HDAC4: variants seen among roughly 807,000 people sequenced by gnomAD.
The protein encoded by HDAC4 is histone deacetylase 4.
In HDAC4, 16 loss-of-function variants were observed where a neutral mutation model predicts 135.1. The observed-to-expected ratio is 0.12, with a 90% CI of 0.08 to 0.18. The LOEUF (loss-of-function observed/expected upper bound fraction) is 0.18, where lower values mean the gene tolerates loss of function less well. Among genes scored for constraint, HDAC4 ranks in the 10% least tolerant of loss-of-function variants. The pLI is 1.00. For synonymous variants in HDAC4, 685 were observed against 653.4 expected (o/e 1.05, Z -0.74); for missense variants, 1,143 against 1,511.8 (o/e 0.76, Z 4.05).
intron 5 of HDAC4, among the ~76,000 whole-genome samples, chr2:239,165,587 C>T (rs763395822): frequency 5.9e-5 from 9 of 152,092 alleles, no homozygotes; most frequent in Non-Finnish European, 7.3e-5. Context: ...TGGCCTGGTT[C>T]GGCCTCGCAT....
intron 12 of HDAC4, among the ~76,000 whole-genome samples, chr2:239,117,702 A>G (rs2039268802): frequency 6.6e-6 from 1 of 152,050 alleles, no homozygotes; most frequent in Non-Finnish European, 1.5e-5. Flanking sequence ...AGAACGTCCC[A>G]CAATCCCAAA....
At position 239,153,609 on chromosome 2, in the gene HDAC4, T is replaced by C. The variant is rs1048008108; in HGVS notation, c.733+3043A>G. Among the ~76,000 whole-genome samples the C allele has an allele frequency of 2.0e-5, 3 of 152,246 alleles. No individual in the cohort carries two copies. In the East Asian group the frequency reaches 5.8e-4, roughly 29 times the overall value. ...TATGTTATTATTATTAATGTGGTAG[T>C]GATGACTTTTTAAAAAACTGATAAT... On this transcript the variant is annotated intron_variant, in intron 7 of 26. Coordinates refer to ENST00000543185, the MANE Select transcript of HDAC4 (RefSeq NM_001378414.1).
intron 14 of HDAC4, among the ~76,000 whole-genome samples, chr2:239,109,302 G>A (rs1462971201): frequency 3.9e-5 from 6 of 152,204 alleles, no homozygotes; most frequent in Non-Finnish European, 5.9e-5. Context: ...CGGGGCGCAC[G>A]GTGAAGAGCC....
intron 1 of HDAC4, among the ~76,000 whole-genome samples, chr2:239,388,028 C>T (rs529366136): frequency 6.6e-6 from 1 of 152,282 alleles, no homozygotes; most frequent in South Asian, 2.1e-4. Flanking sequence ...ACGGACCACA[C>T]GTCATAACAT....
chr2:239,097,241 T>C (rs1315211651), intron 16 of HDAC4, among the ~76,000 whole-genome samples: 1 of 152,222 alleles, frequency 6.6e-6, no homozygotes, highest in Admixed American at 6.5e-5. Flanking sequence ...GTACAAGGCA[T>C]TGAGCCAGCA....
intron 1 of HDAC4, among the ~76,000 whole-genome samples, chr2:239,370,016 C>T (rs1034846619): frequency 2.0e-5 from 3 of 152,216 alleles, no homozygotes; most frequent in Non-Finnish European, 4.4e-5. Context: ...ATGATTGCAG[C>T]GTGGCTGGCG....
chr2:239,245,146 A>G lies in HDAC4; in HGVS notation c.23-8482T>C, dbSNP rs1374857806. 6.6e-6 allele frequency among the ~76,000 whole-genome samples: 1 copy of G among 152,240 alleles called. No homozygotes were observed. Among genetic ancestry groups the G allele is most frequent in the African/African-American group, 2.4e-5 (1 of 41,472 alleles). ...TTTCCCTAAGCAATATTTTTCCTTCAGGGTAATCAGGCAGTCTTAAAATGT... is the reference window on the plus strand; with the variant it reads ...TTTCCCTAAGCAATATTTTTCCTTCGGGGTAATCAGGCAGTCTTAAAATGT... On this transcript the variant is annotated intron_variant, in intron 2 of 26. Transcript: ENST00000543185. The surrounding 1 kb of genome is among the most constrained non-coding windows in gnomAD (Gnocchi z 4.4).
At chr2:239,170,317 C>T (rs2043372614) in intron 5 of HDAC4, among the ~76,000 whole-genome samples, 1 of 152,168 alleles carries the variant, frequency 6.6e-6, no homozygotes, top group South Asian at 2.1e-4. Flanking sequence ...ACATTCATTA[C>T]ATTAAAAATA....
At chr2:239,246,976 G>A (rs1257740648) in intron 2 of HDAC4, among the ~76,000 whole-genome samples, 1 of 152,230 alleles carries the variant, frequency 6.6e-6, no homozygotes, top group Non-Finnish European at 1.5e-5. Context: ...CAGAGCCAGT[G>A]GGAGGAGTCA....
intron 3 of HDAC4, among the ~76,000 whole-genome samples, chr2:239,190,415 G>A (rs924336324): frequency 2.6e-5 from 4 of 152,192 alleles, no homozygotes; most frequent in East Asian, 3.9e-4. Flanking sequence ...CCTTGCTGAC[G>A]TCATTTCTAG....
chr2:239,078,128 G>A (rs760683707), intron 22 of HDAC4, among the ~76,000 whole-genome samples: 2 of 152,110 alleles, frequency 1.3e-5, no homozygotes, highest in Non-Finnish European at 2.9e-5. Flanking sequence ...CATCTTCATC[G>A]TCATCGTCAT....
At position 239,262,411 on chromosome 2, in the gene HDAC4, G is replaced by A. The variant is rs1553584542; in HGVS notation, c.23-25747C>T. On this transcript the variant is annotated intron_variant, in intron 2 of 26. Transcript: ENST00000543185. The surrounding 1 kb of genome is among the most constrained non-coding windows in gnomAD (Gnocchi z 4.1). ...CTTGAGATTTTAAAAATAATTAGGA[G>A]GAAGAGATAAAAGAGAAGCTTTTGT... Among the ~76,000 whole-genome samples, 1 of 152,232 alleles carries A rather than the reference G, an allele frequency of 6.6e-6. No homozygotes were observed. Among genetic ancestry groups the A allele is most frequent in the Non-Finnish European group, 1.5e-5 (1 of 68,036 alleles).
chr2:239,401,078 G>A (rs1696960765), upstream of HDAC4: 1 of 151,732 alleles, frequency 6.6e-6, no homozygotes, highest in African/African-American at 2.4e-5. Flanking sequence ...GCCAGCCGGC[G>A]GCTCGCCAAC....
chr2:239,120,895 G>A lies in HDAC4; in HGVS notation c.1533+5561C>T, dbSNP rs181447594. Among the ~76,000 whole-genome samples the A allele has an allele frequency of 3.1e-4, 47 of 152,162 alleles. 1 individual carries two copies. In the East Asian group the frequency reaches 7.7e-3, roughly 25 times the overall value. The stretch of plus-strand genomic sequence containing the variant: ...CCACTCCCAGGAAGCCAGGCTGATC[G>A]AGGAAAAGGGTTTGTCTGTTTGCCT... On this transcript the variant is annotated intron_variant, in intron 12 of 26. Transcript: ENST00000543185.
chr2:239,160,235 A>C (rs962172405), intron 6 of HDAC4, among the ~76,000 whole-genome samples: 14 of 152,356 alleles, frequency 9.2e-5, no homozygotes, highest in South Asian at 6.2e-4. Flanking sequence ...CATCCTTTCA[A>C]CTTATAATCG....
chr2:239,161,838 C>T (rs1223018615), intron 6 of HDAC4: 1 of 384,472 alleles, frequency 2.6e-6, no homozygotes, highest in South Asian at 2.0e-5. Flanking sequence ...CCTGGAAGCC[C>T]CCCATCTCCC....
chr2:239,258,511 A>G (rs961231849), intron 2 of HDAC4, among the ~76,000 whole-genome samples: 1 of 152,244 alleles, frequency 6.6e-6, no homozygotes, highest in Non-Finnish European at 1.5e-5. Flanking sequence ...TTCACAGTGC[A>G]GAAGGACTGC....
chr2:239,212,903 G>T (rs991149702), intron 3 of HDAC4, among the ~76,000 whole-genome samples: 4 of 152,334 alleles, frequency 2.6e-5, no homozygotes, highest in South Asian at 4.1e-4. Context: ...ACGCTGGCCA[G>T]CCAGGATCAC....
intron 2 of HDAC4, among the ~76,000 whole-genome samples, chr2:239,350,479 T>C (rs1218896365): frequency 6.6e-6 from 1 of 152,124 alleles, no homozygotes; most frequent in Non-Finnish European, 1.5e-5. Flanking sequence ...CATATCCTCC[T>C]ATATATAAAT....
Sources: allele counts gnomAD v4.1 joint callset (sites outside exome capture counted in the v4.1 genomes callset), GRCh38; gene constraint gnomAD v4.1.1; non-coding constraint Gnocchi (gnomAD v3.1); transcripts MANE v1.5; gene names NCBI Gene and HGNC (gene_info 2026-07-23, HGNC 2026-07-21).